The following SLCO1B3 variants were observed in gnomAD, a reference collection of about 807,000 sequenced individuals.
SLCO1B3 encodes liver-specific organic anion transporter 2.
A neutral mutation model predicts 71.8 loss-of-function variants in SLCO1B3; 72 were observed. The observed-to-expected ratio is 1.00, with a 90% confidence interval of 0.83 to 1.22. The LOEUF is 1.22. SLCO1B3 is among the 50% of genes most tolerant of loss of function. The probability of loss-of-function intolerance (pLI) is 0.00; values close to 1 mark genes in which losing one functional copy is unlikely to be tolerated. For missense variants in SLCO1B3, 911 were observed against 819.7 expected (o/e 1.11, Z -1.36); for synonymous variants, 298 against 278.4 (o/e 1.07, Z -0.70).
Position 20,909,364 on chromosome 12 carries a change from A to G in SLCO1B3, c.1866-6640A>G, listed in dbSNP as rs1462659821. Reference sequence around the variant, plus strand: ...TTTTTTTTGTATTTTTAGTAGAGACAGGGTTTCGCCATGTTAGCCAGGATG... The same window carrying G: ...TTTTTTTTGTATTTTTAGTAGAGACGGGGTTTCGCCATGTTAGCCAGGATG... On this transcript the variant is annotated intron_variant, in intron 15 of 15. Coordinates refer to ENST00000381545, the MANE Select transcript of SLCO1B3 (RefSeq NM_019844.4). Among the ~76,000 whole-genome samples, 13 of 148,354 alleles carry G rather than the reference A, an allele frequency of 8.8e-5. No individual in the cohort carries two copies. The East Asian group carries it at 1.8e-3, about 21-fold the overall frequency.
At chr12:20,812,668 C>A (rs1864129303) in intron 1 of SLCO1B3, among the ~76,000 whole-genome samples, 1 of 152,076 alleles carries the variant, frequency 6.6e-6, no homozygotes, top group Non-Finnish European at 1.5e-5. Flanking sequence ...TAAGAGGGAT[C>A]TTTGAATGAT....
intron 1 of SLCO1B3, among the ~76,000 whole-genome samples, chr12:20,812,952 G>A (rs185006595): frequency 1.6e-4 from 25 of 152,224 alleles, no homozygotes; most frequent in Non-Finnish European, 2.6e-4. Context: ...AGAGATATTC[G>A]TGGAAAAAGT....
intron 8 of SLCO1B3, among the ~76,000 whole-genome samples, chr12:20,873,391 A>G (rs1434193641): frequency 2.0e-5 from 3 of 152,076 alleles, no homozygotes; most frequent in Admixed American, 6.6e-5. Flanking sequence ...ACTCTGCACT[A>G]ACCTAGGGGG....
chr12:20,897,270 ATTATG>A (rs2120361663), intron 13 of SLCO1B3, among the ~76,000 whole-genome samples: 1 of 152,300 alleles, frequency 6.6e-6, no homozygotes, highest in East Asian at 1.9e-4. Flanking sequence ...CTTTCAATGT[ATTATG>A]TTTAATTTAG....
chr12:20,875,026 C>T (rs1363624495), intron 8 of SLCO1B3, among the ~76,000 whole-genome samples: 1 of 152,154 alleles, frequency 6.6e-6, no homozygotes, highest in East Asian at 1.9e-4. Context: ...TCATGACTGA[C>T]TCCTGGACAA....
intron 3 of SLCO1B3, among the ~76,000 whole-genome samples, chr12:20,849,028 G>A (rs1475331355): frequency 1.3e-5 from 2 of 151,668 alleles, no homozygotes; most frequent in African/African-American, 4.8e-5. Context: ...ACCAATAGAA[G>A]GTAAACATAA....
At chr12:20,913,884 T>A (rs1487723800) in intron 15 of SLCO1B3, among the ~76,000 whole-genome samples, 2 of 152,194 alleles carry the variant, frequency 1.3e-5, no homozygotes, top group Non-Finnish European at 1.5e-5. Context: ...CCCATGTAGC[T>A]GGGAACACAG....
intron 11 of SLCO1B3, 147 bp downstream of exon 11, chr12:20,879,778 A>G (rs975966912): frequency 3.2e-6 from 2 of 622,532 alleles, no homozygotes; most frequent in Non-Finnish European, 5.0e-6. Context: ...TAAAATGTCC[A>G]TTTCCTAAGA....
chr12:20,838,223 A>T (rs1209725588), intron 3 of SLCO1B3, among the ~76,000 whole-genome samples: 1 of 151,790 alleles, frequency 6.6e-6, no homozygotes, highest in Non-Finnish European at 1.5e-5. Flanking sequence ...ACCTCTGGTA[A>T]CTTTCCTTGC....
In SLCO1B3 at chr12:20,857,917, A is replaced by T. The variant is rs369625511; in HGVS notation, c.227-522A>T. Among the ~76,000 whole-genome samples the T allele has an allele frequency of 8.2e-4, 125 of 152,222 alleles. 2 individuals are homozygous for T. The South Asian group carries it at 0.025, about 30-fold the overall frequency. ...ATGTATCCTCCAGGAAACTTTCACA[A>T]AGCCCCTAATTAATTTAAGCTCCCT... On this transcript the variant is annotated intron_variant, in intron 4 of 15. Coordinates refer to ENST00000381545, the MANE Select transcript of SLCO1B3 (RefSeq NM_019844.4).
Position 20,883,233 on chromosome 12 carries a change from C to A in SLCO1B3, c.1498-185C>A, listed in dbSNP as rs1461276971. On this transcript the variant is annotated intron_variant, in intron 12 of 15. Coordinates refer to ENST00000381545, the MANE Select transcript of SLCO1B3 (RefSeq NM_019844.4). ...AAAATTATATACAGAATTTCATACA[C>A]TAATTTCTTAAATTCCTAAATTCAG... Among the ~76,000 whole-genome samples, 10 of 152,242 alleles carry A rather than the reference C, an allele frequency of 6.6e-5. No individual in the cohort carries two copies. The East Asian group carries it at 1.5e-3, about 23-fold the overall frequency.
At chr12:20,888,986 A>T (rs530976866) in intron 13 of SLCO1B3, among the ~76,000 whole-genome samples, 68 of 152,132 alleles carry the variant, frequency 4.5e-4, no homozygotes, top group African/African-American at 1.6e-3. Context: ...TAATTTTGTG[A>T]ATCACATTTT....
At chr12:20,825,472 T>G (rs1351950602) in intron 3 of SLCO1B3, among the ~76,000 whole-genome samples, 2 of 152,046 alleles carry the variant, frequency 1.3e-5, no homozygotes, top group Non-Finnish European at 2.9e-5. Context: ...CTTGGTGTGC[T>G]TTTTAGACCC....
At chr12:20,814,695 G>C (rs972040135) in intron 2 of SLCO1B3, among the ~76,000 whole-genome samples, 41 of 152,076 alleles carry the variant, frequency 2.7e-4, no homozygotes, top group Non-Finnish European at 4.4e-4. Flanking sequence ...TCGAGACCAT[G>C]CTGGCTAACA....
chr12:20,890,193 A>G (rs574930729), intron 13 of SLCO1B3, among the ~76,000 whole-genome samples: 14 of 151,794 alleles, frequency 9.2e-5, no homozygotes, highest in Non-Finnish European at 1.9e-4. Context: ...TGCTAGGATT[A>G]CAGGTGTGAG....
chr12:20,844,272 A>T (rs756687924), intron 3 of SLCO1B3, among the ~76,000 whole-genome samples: 4 of 152,066 alleles, frequency 2.6e-5, no homozygotes, highest in African/African-American at 7.2e-5. Flanking sequence ...CCAAATTTTT[A>T]AATAAAATTT....
At chr12:20,879,395 A>G (rs375432046) in intron 10 of SLCO1B3, 41 bp from the exon 11 acceptor site, 171 of 1,377,022 alleles carry the variant, frequency 1.2e-4, no homozygotes, top group Middle Eastern at 1.0e-3. Flanking sequence ...GAAAAACCAT[A>G]TTTGTATAAT....
intron 8 of SLCO1B3, among the ~76,000 whole-genome samples, chr12:20,874,480 C>T (rs1174419001): frequency 6.6e-6 from 1 of 152,130 alleles, no homozygotes; most frequent in Non-Finnish European, 1.5e-5. Flanking sequence ...AGGTATCTGT[C>T]CTTCTTATTC....
chr12:20,833,406 A>G (rs563858060), intron 3 of SLCO1B3, among the ~76,000 whole-genome samples: 1 of 150,266 alleles, frequency 6.7e-6, no homozygotes, highest in Non-Finnish European at 1.5e-5. Flanking sequence ...TATATGAAGA[A>G]TACATATATA....
Sources: allele counts gnomAD v4.1 joint callset (sites outside exome capture counted in the v4.1 genomes callset), GRCh38; gene constraint gnomAD v4.1.1; transcripts MANE v1.5; gene names NCBI Gene and HGNC (gene_info 2026-07-23, HGNC 2026-07-21).